DOCK3: variants seen among roughly 807,000 people sequenced by gnomAD.
DOCK3 encodes the protein dedicator of cytokinesis 3, also known as dedicator of cytokinesis protein 3.
In DOCK3, 60 loss-of-function variants were observed where a neutral mutation model predicts 265.6. The ratio of observed to expected loss-of-function variants is 0.23; its 90% CI spans 0.18 to 0.28. The LOEUF (loss-of-function observed/expected upper bound fraction) is 0.28. DOCK3 is among the 10% of genes least tolerant of loss of function. The probability of loss-of-function intolerance (pLI) is 1.00; values close to 1 mark genes in which losing one functional copy is unlikely to be tolerated. For synonymous variants in DOCK3, 881 were observed against 938.0 expected (o/e 0.94, Z 1.11); for missense variants, 1,981 against 2,594.3 (o/e 0.76, Z 5.14).
intron 23 of DOCK3, 115 bp downstream of exon 23, chr3:51,260,441 A>G: frequency 8.0e-7 from 1 of 1,244,938 alleles, no homozygotes; most frequent in Non-Finnish European, 1.1e-6. Context: ...TGTGTTGGGT[A>G]AGGGATTATT....
chr3:51,198,971 A>G (rs1366940188), intron 12 of DOCK3, among the ~76,000 whole-genome samples: 1 of 152,116 alleles, frequency 6.6e-6, no homozygotes, highest in Non-Finnish European at 1.5e-5. Context: ...TGGAGGTTGC[A>G]GTGACCCGAA....
At position 50,892,295 on chromosome 3, in the gene DOCK3, A is replaced by G. The variant is rs779487809; in HGVS notation, c.218+2214A>G. Among the ~76,000 whole-genome samples the G allele has an allele frequency of 2.2e-4, 33 of 152,194 alleles. No homozygotes were observed. In the Middle Eastern group the frequency reaches 0.01, roughly 47 times the overall value. On this transcript the variant is annotated intron_variant, in intron 4 of 52. Transcript: ENST00000266037. ...ATAGTAGTCTTTCATGACATCAGCA[A>G]TTTGGCAGAATAAGAAGTTTCAGCT...
chr3:51,330,158 C>G lies in DOCK3; in HGVS notation c.3423C>G (p.Asp1141Glu). The G allele has an allele frequency of 6.2e-7, 1 of 1,605,414 alleles. No homozygotes were observed. Among genetic ancestry groups the G allele is most frequent in the Non-Finnish European group, 8.5e-7 (1 of 1,176,230 alleles). ...TCTAGGTGGAGGCCGAGTTGATTGACAAGCTGGACAGCATGGTGTCAGAAG... is the reference window on the plus strand; with the variant it reads ...TCTAGGTGGAGGCCGAGTTGATTGAGAAGCTGGACAGCATGGTGTCAGAAG... ...NFKQVEAELI[D>E]KLDSMVSEGK... The change falls in exon 33 of 53, where the codon GAC (aspartate) becomes GAG (glutamate). Residue 1141 changes from aspartate to glutamate, a missense_variant. Asp to Glu is a conservative substitution (Grantham distance 45, BLOSUM62 2). This residue lies in a region of DOCK3 where 1,357 missense variants were observed against 1,866.8 expected (regional missense o/e 0.73). Coordinates refer to ENST00000266037, the MANE Select transcript of DOCK3 (RefSeq NM_004947.5).
chr3:50,931,416 G>C (rs2051061134), intron 4 of DOCK3, among the ~76,000 whole-genome samples: 1 of 152,148 alleles, frequency 6.6e-6, no homozygotes, highest in South Asian at 2.1e-4. Flanking sequence ...CTAAGATTGT[G>C]ATTTCCCTGA....
intron 3 of DOCK3, among the ~76,000 whole-genome samples, chr3:50,886,564 C>A (rs6805258): frequency 0.096 from 12,026 of 125,392 alleles, 641 homozygotes; most frequent in East Asian, 0.27. Context: ...CCCCCTCCCC[C>A]CACCCCACCA....
intron 4 of DOCK3, chr3:50,901,583 C>T (rs2049198265): frequency 6.7e-6 from 3 of 450,910 alleles, no homozygotes; most frequent in Admixed American, 2.4e-5. Context: ...GTGCTTGAAA[C>T]CCAGGTCCCT....
chr3:51,366,589 A>G (rs2087193865), intron 49 of DOCK3, among the ~76,000 whole-genome samples: 1 of 152,080 alleles, frequency 6.6e-6, no homozygotes, highest in Non-Finnish European at 1.5e-5. Flanking sequence ...TTAGGGTGTC[A>G]ATTTTAGATC....
In DOCK3 at chr3:51,064,499, A is replaced by G. The variant is rs1039224995; in HGVS notation, c.367A>G (p.Ile123Val). ...YKLRHVMNEL[I>V]DLRRQLLSGH... Reference sequence around the variant, plus strand: ...ACTACGCCATGTGATGAATGAACTTATTGACCTGCGAAGGCAGCTACTGTC... The same window carrying G: ...ACTACGCCATGTGATGAATGAACTTGTTGACCTGCGAAGGCAGCTACTGTC... The change falls in exon 6 of 53, where the codon ATT (isoleucine) becomes GTT (valine). Residue 123 changes from isoleucine to valine, a missense_variant. Physicochemically the swap from Ile to Val is conservative, Grantham distance 29 (BLOSUM62 3). This residue lies in a region of DOCK3 where 456 missense variants were observed against 539.0 expected (regional missense o/e 0.85). Transcript: ENST00000266037. The G allele has an allele frequency of 1.2e-6, 2 of 1,614,006 alleles. No individual in the cohort carries two copies.
At chr3:51,290,674 TAAAGTA>T (rs1018360991) in intron 27 of DOCK3, among the ~76,000 whole-genome samples, 1 of 152,068 alleles carries the variant, frequency 6.6e-6, no homozygotes, top group African/African-American at 2.4e-5. Context: ...CCCTAGAACT[TAAAGTA>T]TAATATATAT....
chr3:51,035,707 G>A (rs906568135), intron 5 of DOCK3, among the ~76,000 whole-genome samples: 1 of 152,084 alleles, frequency 6.6e-6, no homozygotes, highest in Non-Finnish European at 1.5e-5. Flanking sequence ...TGAGAGTACT[G>A]GTGTTTTTGT....
chr3:50,786,586 T>C, intron 2 of DOCK3: 1 of 547,184 alleles, frequency 1.8e-6, no homozygotes, highest in Non-Finnish European at 3.5e-6. Flanking sequence ...GAACTGTTCT[T>C]CTCTGCCAAC....
At chr3:51,082,638 T>C (rs1179539449) in intron 7 of DOCK3, among the ~76,000 whole-genome samples, 2 of 152,162 alleles carry the variant, frequency 1.3e-5, no homozygotes, top group Non-Finnish European at 2.9e-5. Context: ...CCTGTGTGCA[T>C]TGTCCCGGGA....
intron 38 of DOCK3, among the ~76,000 whole-genome samples, chr3:51,344,304 G>A (rs191773200): frequency 3.5e-4 from 54 of 152,258 alleles, no homozygotes; most frequent in African/African-American, 9.4e-4. Context: ...CTGTCCCTGC[G>A]AGGGAGCAAC....
intron 12 of DOCK3, among the ~76,000 whole-genome samples, chr3:51,188,920 CT>C (rs1560182037): frequency 6.6e-6 from 1 of 152,046 alleles, no homozygotes; most frequent in Admixed American, 6.6e-5. Flanking sequence ...TCAGATATCC[CT>C]TTGACATATT....
chr3:51,203,311 T>G (rs1189551385), intron 12 of DOCK3, among the ~76,000 whole-genome samples: 2 of 152,194 alleles, frequency 1.3e-5, no homozygotes, highest in African/African-American at 2.4e-5. Context: ...ATAAGCAAAT[T>G]CAGCAAGGTC....
intron 5 of DOCK3, among the ~76,000 whole-genome samples, chr3:50,976,690 G>T (rs1192294742): frequency 6.6e-6 from 1 of 151,794 alleles, no homozygotes; most frequent in Non-Finnish European, 1.5e-5. Context: ...TCAATTGCTG[G>T]GTATCCTTGT....
chr3:50,951,706 A>G (rs1308353386), intron 5 of DOCK3, among the ~76,000 whole-genome samples: 1 of 152,190 alleles, frequency 6.6e-6, no homozygotes, highest in Non-Finnish European at 1.5e-5. Flanking sequence ...TTTTAATTTT[A>G]GCAATGGTGT....
At chr3:50,862,968 G>A (rs910696051) in intron 3 of DOCK3, among the ~76,000 whole-genome samples, 3 of 152,190 alleles carry the variant, frequency 2.0e-5, no homozygotes, top group Non-Finnish European at 4.4e-5. Flanking sequence ...CAATCGATGG[G>A]AGCAGTTAGG....
intron 9 of DOCK3, among the ~76,000 whole-genome samples, chr3:51,091,682 C>CAAAA (rs36008191): frequency 4.9e-5 from 5 of 102,130 alleles, no homozygotes; most frequent in Admixed American, 1.0e-4. Flanking sequence ...GACTTGGTCT[C>CAAAA]AAAAAAAAAA....
Sources: allele counts gnomAD v4.1 joint callset (sites outside exome capture counted in the v4.1 genomes callset), GRCh38; gene constraint gnomAD v4.1.1; regional missense constraint gnomAD v4.1.1; transcripts MANE v1.5; gene names NCBI Gene and HGNC (gene_info 2026-07-23, HGNC 2026-07-21).